SP140: variants seen among roughly 807,000 people sequenced by gnomAD.
SP140 encodes nuclear body protein SP140.
Under a neutral mutation model 125.0 loss-of-function variants are expected in SP140, and 81 were observed. The ratio of observed to expected loss-of-function variants is 0.65; its 90% CI spans 0.54 to 0.78. SP140 has a LOEUF of 0.78. Ranked by LOEUF, SP140 falls within the 30% of genes least tolerant of loss-of-function variation. SP140 has a pLI of 0.00. For synonymous variants in SP140, 312 were observed against 354.0 expected (o/e 0.88, Z 1.33); for missense variants, 858 against 1,037.0 (o/e 0.83, Z 2.37).
At chr2:230,238,804 A>G in intron 3 of SP140, 1 of 1,554,806 alleles carries the variant, frequency 6.4e-7, no homozygotes, top group East Asian at 2.4e-5. Context: ...TTGTTTCTCC[A>G]AACAAAGACT....
intron 15 of SP140, among the ~76,000 whole-genome samples, chr2:230,281,181 G>C (rs1424199791): frequency 1.3e-5 from 2 of 152,144 alleles, no homozygotes; most frequent in African/African-American, 4.8e-5. Flanking sequence ...GCATACAGAA[G>C]ACTTGGGAGA....
intron 3 of SP140, chr2:230,219,714 C>G (rs561988747): frequency 1.9e-5 from 3 of 158,346 alleles, no homozygotes; most frequent in Non-Finnish European, 4.1e-5. Flanking sequence ...TCCATGTGCC[C>G]CCTTTTAACA....
intron 15 of SP140, among the ~76,000 whole-genome samples, chr2:230,271,140 A>G (rs1003643838): frequency 6.6e-6 from 1 of 152,222 alleles, no homozygotes; most frequent in Non-Finnish European, 1.5e-5. Flanking sequence ...CACTGACATA[A>G]CTGGAAGAAA....
intron 17 of SP140, 91 bp downstream of exon 17, chr2:230,285,923 T>C: frequency 1.0e-6 from 1 of 968,488 alleles, no homozygotes; most frequent in South Asian, 1.4e-5. Flanking sequence ...CCTTAATTGT[T>C]TACTCATCAA....
At chr2:230,217,953 A>C (rs1294326370) in intron 3 of SP140, among the ~76,000 whole-genome samples, 1 of 152,254 alleles carries the variant, frequency 6.6e-6, no homozygotes, top group African/African-American at 2.4e-5. Flanking sequence ...AGAAAGGCAT[A>C]CTTAGTAAAA....
chr2:230,186,391 A>G, the SP140 span, among the ~76,000 whole-genome samples: 1 of 152,128 alleles, frequency 6.6e-6, no homozygotes, highest in Non-Finnish European at 1.5e-5. Flanking sequence ...TGTCTTGCTC[A>G]CTGCTGAGTT....
At chr2:230,235,874 T>G in intron 1 of SP140, among the ~76,000 whole-genome samples, 1 of 138,930 alleles carries the variant, frequency 7.2e-6, no homozygotes, top group Non-Finnish European at 1.6e-5. Context: ...GACTGTTTTT[T>G]TTTTTTTTTT....
chr2:230,309,476 T>C (rs1341085150), intron 22 of SP140, among the ~76,000 whole-genome samples: 1 of 152,222 alleles, frequency 6.6e-6, no homozygotes, highest in Non-Finnish European at 1.5e-5. Context: ...GGGGAACTTA[T>C]GGCCAAGAAT....
At chr2:230,260,870 G>A (rs62191191) in intron 12 of SP140, among the ~76,000 whole-genome samples, 16,376 of 152,086 alleles carry the variant, frequency 0.11, 980 homozygotes, top group Middle Eastern at 0.12. Flanking sequence ...AAATCATGTC[G>A]TGTGATGCCT....
intron 6 of SP140, among the ~76,000 whole-genome samples, chr2:230,245,653 G>A (rs555161069): frequency 2.0e-4 from 30 of 152,190 alleles, no homozygotes; most frequent in Admixed American, 1.9e-3. Context: ...TAAAGACAGG[G>A]TTAGAGGGAG....
At chr2:230,215,918 G>A (rs2045113235) in intron 3 of SP140, among the ~76,000 whole-genome samples, 1 of 152,312 alleles carries the variant, frequency 6.6e-6, no homozygotes, top group South Asian at 2.1e-4. Context: ...CCAAGGAGAT[G>A]TCTCTGAGGA....
At chr2:230,249,705 A>G (rs1221861399) in intron 9 of SP140, among the ~76,000 whole-genome samples, 2 of 152,212 alleles carry the variant, frequency 1.3e-5, no homozygotes, top group Non-Finnish European at 2.9e-5. Context: ...TTATGCAGAG[A>G]AAGAAACAGA....
At chr2:230,212,211 C>T (rs2044567049) in intron 1 of SP140, 1 of 716,272 alleles carries the variant, frequency 1.4e-6, no homozygotes, top group African/African-American at 1.8e-5. Context: ...GGTGAATTGG[C>T]CCCTTCTGTT....
At chr2:230,227,470 T>G (rs2046622507) in intron 1 of SP140, among the ~76,000 whole-genome samples, 1 of 152,244 alleles carries the variant, frequency 6.6e-6, no homozygotes, top group Non-Finnish European at 1.5e-5. Context: ...GTGTTGCCTC[T>G]GCTCTTATTT....
At chr2:230,227,761 GT>G (rs1415199074) in intron 1 of SP140, among the ~76,000 whole-genome samples, 18 of 152,128 alleles carry the variant, frequency 1.2e-4, no homozygotes, top group Non-Finnish European at 7.4e-5. Context: ...GGAATTCGTA[GT>G]GATGACCCTT....
intron 22 of SP140, among the ~76,000 whole-genome samples, chr2:230,301,000 CAA>C (rs1170871157): frequency 1.3e-5 from 2 of 152,064 alleles, no homozygotes; most frequent in Non-Finnish European, 2.9e-5. Context: ...TAGAGAAATA[CAA>C]AATACACTGG....
intron 3 of SP140, chr2:230,214,844 G>T: frequency 1.1e-6 from 1 of 932,898 alleles, no homozygotes; most frequent in Non-Finnish European, 1.7e-6. Context: ...CCACCCCAGA[G>T]AGAAGGCGGG....
Position 230,298,040 on chromosome 2 carries a change from A to G in SP140, c.2058+578A>G, listed in dbSNP as rs572226853. ...TCATTTGGATGGTTTCAGGGAAGCC[A>G]TTAGGGTGCTGAGCTGGTTAGGACT... On this transcript the variant is annotated intron_variant, in intron 22 of 26. Coordinates refer to ENST00000392045, the MANE Select transcript of SP140 (RefSeq NM_007237.5). 3.7e-4 allele frequency among the ~76,000 whole-genome samples: 56 copies of G among 152,302 alleles called. No individual in the cohort carries two copies. In the South Asian group the frequency reaches 0.012, roughly 32 times the overall value.
rs751278028 is a variant in SP140, at chr2:230,312,591, G to A, written c.2511G>A (p.Lys837=). The change falls in exon 27 of 27, where the codon AAG becomes AAA. Residue 837 remains lysine (K), a synonymous_variant. Transcript: ENST00000392045. ...FQNHRASYKY[K]DFGQMGFRLE... is the part of the protein sequence containing the mutation. ...TGTCTTTATTATTTTTTCAGTACAAGGATTTTGGCCAAATGGGATTTAGAC... is the reference window on the plus strand; with the variant it reads ...TGTCTTTATTATTTTTTCAGTACAAAGATTTTGGCCAAATGGGATTTAGAC... 1.9e-6 allele frequency: 3 copies of A among 1,606,748 alleles called. No homozygotes were observed. In the South Asian group the frequency reaches 3.3e-5, roughly 18 times the overall value.
Sources: gnomAD v4.1 joint callset for allele counts (sites outside exome capture counted in the v4.1 genomes callset) on GRCh38, gnomAD v4.1.1 for gene constraint, MANE v1.5 for transcripts, NCBI Gene and HGNC (gene_info 2026-07-23, HGNC 2026-07-21) for gene names.